Variants in ATP13A5 observed in about 807,000 individuals in gnomAD.
ATP13A5 encodes the protein ATPase 13A5.
Under a neutral mutation model 150.2 loss-of-function variants are expected in ATP13A5, and 149 were observed. The observed-to-expected ratio is 0.99, with a 90% CI of 0.87 to 1.14. The LOEUF (loss-of-function observed/expected upper bound fraction) is 1.14, where lower values mean the gene tolerates loss of function less well. Ranked by LOEUF, ATP13A5 falls within the 50% of genes most tolerant of loss-of-function variation. The pLI, the probability that ATP13A5 is intolerant of heterozygous loss-of-function variation, is 0.00. For synonymous variants in ATP13A5, 497 were observed against 522.2 expected, an observed-to-expected ratio of 0.95 and a Z score of 0.66; for missense variants, 1,383 against 1,449.3, an observed-to-expected ratio of 0.95 and a Z score of 0.74.
At chr3:193,326,307 C>T (rs983756101) in intron 13 of ATP13A5, among the ~76,000 whole-genome samples, 16 of 152,156 alleles carry the variant, frequency 1.1e-4, no homozygotes, top group Admixed American at 1.0e-3. Flanking sequence ...TCCAGGGGCC[C>T]TCTTTCCCTT....
At chr3:193,349,707 T>C (rs554319821) in intron 7 of ATP13A5, among the ~76,000 whole-genome samples, 27 of 152,244 alleles carry the variant, frequency 1.8e-4, no homozygotes, top group African/African-American at 6.3e-4. Flanking sequence ...CCCGGTTTTT[T>C]TAAAGATGTT....
chr3:193,341,978 G>A (rs1218803070), intron 9 of ATP13A5, among the ~76,000 whole-genome samples: 3 of 152,086 alleles, frequency 2.0e-5, no homozygotes, highest in Admixed American at 6.6e-5. Context: ...TCTTTCTCAC[G>A]CCTATGGTCC....
chr3:193,289,793 G>T, intron 26 of ATP13A5, 92 bp downstream of exon 26: 1 of 1,256,340 alleles, frequency 8.0e-7, no homozygotes, highest in Non-Finnish European at 1.1e-6. Flanking sequence ...TTAATTAAAA[G>T]TTTTAGGATA....
Position 193,370,921 on chromosome 3 carries a change from G to A in ATP13A5, c.64-6641C>T, listed in dbSNP as rs185322816. Among the ~76,000 whole-genome samples, 466 of 152,234 alleles carry A rather than the reference G, an allele frequency of 3.1e-3. 6 individuals carry two copies. Among genetic ancestry groups the A allele is most frequent in the South Asian group, 8.1e-3 (39 of 4,810 alleles). On this transcript the variant is annotated intron_variant, in intron 1 of 29. Coordinates refer to ENST00000342358, the MANE Select transcript of ATP13A5 (RefSeq NM_198505.4). ...TTTTCACTATCTAGCAGTGTGATTC[G>A]AAACCCAATACAAAAGAGATGAACA... is the stretch of plus-strand genomic sequence containing the variant.
chr3:193,370,648 A>T (rs2108584762), intron 1 of ATP13A5, among the ~76,000 whole-genome samples: 1 of 152,286 alleles, frequency 6.6e-6, no homozygotes, highest in East Asian at 1.9e-4. Context: ...CTAATAAGAT[A>T]TGATATCTTG....
At chr3:193,294,180 G>A (rs1174815534) in intron 25 of ATP13A5, among the ~76,000 whole-genome samples, 1 of 152,074 alleles carries the variant, frequency 6.6e-6, no homozygotes, top group Non-Finnish European at 1.5e-5. Flanking sequence ...GAAACAGTAA[G>A]AATGGAAAGA....
chr3:193,295,002 A>G (rs9812880), intron 25 of ATP13A5, among the ~76,000 whole-genome samples: 136,240 of 152,102 alleles, frequency 0.9, 61,244 homozygotes, highest in East Asian at 0.98. Flanking sequence ...TCTTCTGAAT[A>G]TGCATCACTT....
intron 26 of ATP13A5, among the ~76,000 whole-genome samples, chr3:193,288,616 C>T (rs1011708347): frequency 7.2e-5 from 11 of 152,098 alleles, no homozygotes; most frequent in Admixed American, 3.9e-4. Context: ...TTTATATGGA[C>T]TGGGAACCCA....
intron 21 of ATP13A5, among the ~76,000 whole-genome samples, chr3:193,308,902 A>C (rs1013861690): frequency 6.6e-6 from 1 of 152,256 alleles, no homozygotes; most frequent in Admixed American, 6.5e-5. Flanking sequence ...TGAATGAAAT[A>C]GTCATTTAGT....
intron 13 of ATP13A5, among the ~76,000 whole-genome samples, chr3:193,326,217 C>T (rs1182791121): frequency 1.3e-5 from 2 of 152,178 alleles, no homozygotes; most frequent in Non-Finnish European, 2.9e-5. Flanking sequence ...AGGCCATCGC[C>T]GCTCAAATTG....
intron 7 of ATP13A5, among the ~76,000 whole-genome samples, chr3:193,346,574 C>T (rs1364249563): frequency 2.6e-5 from 4 of 152,116 alleles, no homozygotes; most frequent in Non-Finnish European, 1.5e-5. Context: ...TTCACCTTAA[C>T]CTAATTCAAA....
At chr3:193,337,532 G>T (rs1218877208) in intron 9 of ATP13A5, among the ~76,000 whole-genome samples, 2 of 150,656 alleles carry the variant, frequency 1.3e-5, no homozygotes, top group East Asian at 3.9e-4. Flanking sequence ...AGGTTTGTCA[G>T]ATGGTTGTAG....
rs4438605 is a variant in ATP13A5 at position 193,344,987 on chromosome 3, C to T, written c.814+16G>A. On this transcript the variant is annotated intron_variant, in intron 8 of 29. Coordinates refer to ENST00000342358, the MANE Select transcript of ATP13A5 (RefSeq NM_198505.4). ...GAAATATTAAGATGCTGAAGATGGC[C>T]TAACACATCACTTACCTTTGTCTTT... The T allele has an allele frequency of 6.2e-7, 1 of 1,607,878 alleles. No homozygotes were observed. Among genetic ancestry groups the T allele is most frequent in the East Asian group, 2.2e-5 (1 of 44,840 alleles).
chr3:193,304,586 G>C (rs552161979), intron 23 of ATP13A5, among the ~76,000 whole-genome samples: 25 of 152,082 alleles, frequency 1.6e-4, no homozygotes, highest in Non-Finnish European at 3.2e-4. Context: ...AAGTGCTATA[G>C]GAAACAATAG....
At chr3:193,344,169 A>C (rs576405275) in intron 8 of ATP13A5, 114 bp from the exon 9 acceptor site, 6 of 1,321,094 alleles carry the variant, frequency 4.5e-6, no homozygotes, top group Non-Finnish European at 6.1e-6. Context: ...CTACCTGTTC[A>C]ACTGTTGAAG....
rs749259633 is a variant in ATP13A5, at chr3:193,363,255, A to C, written c.365T>G (p.Leu122Ter). 4 of 1,613,228 alleles carry C rather than the reference A, an allele frequency of 2.5e-6. No individual in the cohort carries two copies. In the Admixed American group the frequency reaches 6.7e-5, roughly 27 times the overall value. The change falls in exon 3 of 30, where the codon TTA (leucine) becomes TGA (stop). Residue 122 changes from leucine to a stop codon, truncating the protein, a stop_gained. Coordinates refer to ENST00000342358, the MANE Select transcript of ATP13A5 (RefSeq NM_198505.4). LOFTEE classifies it high-confidence loss of function. ...ACTTACTTTTAATTCTGGCTTTATT[A>C]AGGCTTGGTTTATGACAGAGTGGCG... ...ADRHSVINQA[L>*]IKPELKLRCM...
intron 25 of ATP13A5, among the ~76,000 whole-genome samples, chr3:193,298,125 C>A (rs1013230998): frequency 6.6e-6 from 1 of 152,056 alleles, no homozygotes; most frequent in African/African-American, 2.4e-5. Context: ...GCCACAATAG[C>A]CATGGCCTTC....
At chr3:193,345,813 C>T (rs1712314253) in intron 7 of ATP13A5, among the ~76,000 whole-genome samples, 1 of 152,114 alleles carries the variant, frequency 6.6e-6, no homozygotes, top group African/African-American at 2.4e-5. Flanking sequence ...CTTGAAGATG[C>T]ACAATCAGAA....
intron 1 of ATP13A5, among the ~76,000 whole-genome samples, chr3:193,365,679 G>A (rs1713213458): frequency 6.6e-6 from 1 of 152,094 alleles, no homozygotes; most frequent in Non-Finnish European, 1.5e-5. Context: ...AAAAATAGAA[G>A]CAGGACAATT....
Sources: allele counts gnomAD v4.1 joint callset (sites outside exome capture counted in the v4.1 genomes callset), GRCh38; gene constraint gnomAD v4.1.1; transcripts MANE v1.5; gene names NCBI Gene and HGNC (gene_info 2026-07-23, HGNC 2026-07-21).